The following PPT1 variants were observed in gnomAD, a reference collection of about 807,000 sequenced individuals.
PPT1 encodes palmitoyl-protein thioesterase 1, also known as ceroid-palmitoyl-palmitoyl-protein thioesterase 1.
Under a neutral mutation model 44.0 loss-of-function variants are expected in PPT1, and 24 were observed. That is an observed-to-expected ratio of 0.54 (90% CI 0.39 to 0.77). The LOEUF (loss-of-function observed/expected upper bound fraction) is 0.77. PPT1 is among the 30% of genes least tolerant of loss of function. PPT1 has a pLI of 0.00. For missense variants in PPT1, 341 were observed against 378.8 expected, an observed-to-expected ratio of 0.90 and a Z score of 0.83; for synonymous variants, 148 against 140.2, an observed-to-expected ratio of 1.06 and a Z score of -0.39.
At chr1:40,093,883 CAAAAAAAA>C (rs11345893) in intron 1 of PPT1, 13 of 449,406 alleles carry the variant, frequency 2.9e-5, no homozygotes, top group South Asian at 8.8e-5. Flanking sequence ...GGCTCCATCT[CAAAAAAAA>C]AAAAAAAAAA....
rs1649913358 is a variant in PPT1, at chr1:40,097,247, T to C, written c.-9A>G. ...CAGCCGGGCGACGCCATCTTCGCTGTGTCACATGACCGCGGGCGCGAGACT... is the reference window on the plus strand; with the variant it reads ...CAGCCGGGCGACGCCATCTTCGCTGCGTCACATGACCGCGGGCGCGAGACT... On this transcript the variant is annotated 5_prime_UTR_variant, in exon 1 of 9. Coordinates refer to ENST00000642050, the MANE Select transcript of PPT1 (RefSeq NM_000310.4). 1 of 1,613,660 alleles carries C rather than the reference T, an allele frequency of 6.2e-7. No homozygotes were observed. The highest frequency in any genetic ancestry group is 1.1e-5 in the South Asian group (1 of 91,066).
intron 6 of PPT1, 60 bp from the exon 7 acceptor site, chr1:40,078,718 A>C: frequency 7.1e-7 from 1 of 1,415,276 alleles, no homozygotes; most frequent in Admixed American, 1.7e-5. Flanking sequence ...AGAGGGAGTA[A>C]AGCCTTCCTG....
chr1:40,096,856 A>G, intron 1 of PPT1: 1 of 575,004 alleles, frequency 1.7e-6, no homozygotes, highest in Non-Finnish European at 3.1e-6. Context: ...CACTACTGTA[A>G]GGATTAATCA....
chr1:40,075,477 C>CT (rs5773686), intron 8 of PPT1, among the ~76,000 whole-genome samples: 99,931 of 144,630 alleles, frequency 0.69, 34,773 homozygotes, highest in Non-Finnish European at 0.76. Flanking sequence ...TTTCTCAAGC[C>CT]TTTTTTTTTT....
chr1:40,081,331 T>C (rs778239514), intron 5 of PPT1, among the ~76,000 whole-genome samples: 4 of 151,702 alleles, frequency 2.6e-5, no homozygotes, highest in Non-Finnish European at 5.9e-5. Flanking sequence ...AGGTCAGGAG[T>C]TCGAAACCAA....
downstream of PPT1, chr1:40,071,880 G>T: frequency 2.3e-6 from 1 of 436,938 alleles, no homozygotes; most frequent in Non-Finnish European, 4.1e-6. Flanking sequence ...AACAGTCCCT[G>T]GAATTAACAG....
At chr1:40,080,293 G>T in intron 6 of PPT1, 104 bp downstream of exon 6, 1 of 1,212,548 alleles carries the variant, frequency 8.2e-7, no homozygotes, top group Non-Finnish European at 1.2e-6. Context: ...CTTTCCTAGT[G>T]TCTGCCCAGG....
chr1:40,081,213 A>AT (rs1188205164), intron 5 of PPT1, among the ~76,000 whole-genome samples: 2 of 152,104 alleles, frequency 1.3e-5, no homozygotes, highest in African/African-American at 4.8e-5. Context: ...GTGACAGTGA[A>AT]TAAGTCTCAT....
downstream of PPT1, chr1:40,072,250 AG>A (rs1648177885): frequency 9.7e-5 from 27 of 278,504 alleles, no homozygotes; most frequent in Middle Eastern, 7.7e-4. Context: ...TGACTTTAAA[AG>A]GAAAAAAAAA....
At chr1:40,090,433 CAT>C (rs1649501293) in intron 4 of PPT1, among the ~76,000 whole-genome samples, 1 of 86,942 alleles carries the variant, frequency 1.2e-5, no homozygotes, top group Non-Finnish European at 3.0e-5. Context: ...TATATAGGTG[CAT>C]ATGTGTATAT....
intron 5 of PPT1, among the ~76,000 whole-genome samples, chr1:40,081,523 C>T (rs997522531): frequency 1.0e-4 from 15 of 148,798 alleles, no homozygotes; most frequent in African/African-American, 2.0e-4. Flanking sequence ...GGAGACAGAG[C>T]GAGAATCCAT....
At chr1:40,088,197 G>A (rs978317120) in intron 5 of PPT1, among the ~76,000 whole-genome samples, 2 of 149,968 alleles carry the variant, frequency 1.3e-5, no homozygotes, top group Non-Finnish European at 2.9e-5. Flanking sequence ...AGGCTAGAGT[G>A]CAGTGGCGCA....
At chr1:40,084,923 C>T (rs376857864) in intron 5 of PPT1, among the ~76,000 whole-genome samples, 14 of 152,260 alleles carry the variant, frequency 9.2e-5, no homozygotes, top group East Asian at 5.8e-4. Flanking sequence ...GGAAGATGTC[C>T]GTTGCCAAGC....
chr1:40,080,737 G>A (rs933707246), intron 5 of PPT1, among the ~76,000 whole-genome samples: 7 of 152,238 alleles, frequency 4.6e-5, no homozygotes, highest in Middle Eastern at 3.4e-3. Flanking sequence ...AGCCAGGCGC[G>A]GCGGCAGGCG....
rs1030260409 is a variant in PPT1, at chr1:40,074,428, C to A, written c.799-245G>T. Among the ~76,000 whole-genome samples, 4 of 125,730 alleles carry A rather than the reference C, an allele frequency of 3.2e-5. No homozygotes were observed. In the South Asian group the frequency reaches 1.2e-3, roughly 39 times the overall value. The allele number at this position is 125,730 out of a possible 152,430, so 82.5% of individuals were successfully genotyped here. A position where few individuals can be genotyped will look rare whatever the true frequency, so the allele number is the denominator to read the frequency against. ...TCTCCTCCCCCTCCTCCTGTCCCCC[C>A]CGCTTCTTCTTCTTCTTCCTCTCTC... On this transcript the variant is annotated intron_variant, in intron 8 of 8. Coordinates refer to ENST00000642050, the MANE Select transcript of PPT1 (RefSeq NM_000310.4).
At chr1:40,078,697 C>T in intron 6 of PPT1, 39 bp from the exon 7 acceptor site, 2 of 1,508,978 alleles carry the variant, frequency 1.3e-6, no homozygotes, top group Non-Finnish European at 1.8e-6. Flanking sequence ...TCATTACCAT[C>T]AGACACCAGC....
intron 1 of PPT1, chr1:40,094,111 T>C (rs547904217): frequency 8.4e-6 from 5 of 596,106 alleles, no homozygotes; most frequent in Admixed American, 5.5e-5. Context: ...TCCCTTCCCC[T>C]ATCACAGGGG....
rs779623466 is a variant in PPT1 at position 40,097,164 on chromosome 1, C to T, written c.75G>A (p.Gln25=). ...LPWTCASRAL[Q]HLDPPAPLPL... is the part of the protein sequence containing the mutation. ...GCAGCGGCGCCGGCGGGTCCAGATG[C>T]TGCAGCGCCCGAGAAGCGCAGGTCC... Residue 25 remains glutamine (Q), a synonymous_variant, in exon 1 of 9, where the codon CAG becomes CAA. Coordinates refer to ENST00000642050, the MANE Select transcript of PPT1 (RefSeq NM_000310.4). 6.2e-7 allele frequency: 1 copy of T among 1,614,148 alleles called. No individual in the cohort carries two copies. The highest frequency in any genetic ancestry group is 1.7e-5 in the Admixed American group (1 of 60,032).
intron 4 of PPT1, among the ~76,000 whole-genome samples, 199 bp downstream of exon 4, chr1:40,091,130 C>T (rs183884044): frequency 1.3e-5 from 2 of 152,350 alleles, no homozygotes; most frequent in East Asian, 3.9e-4. Flanking sequence ...TAGATGCCAA[C>T]CTAGTGATCC....
Sources: allele counts gnomAD v4.1 joint callset (sites outside exome capture counted in the v4.1 genomes callset), GRCh38; gene constraint gnomAD v4.1.1; transcripts MANE v1.5; gene names NCBI Gene and HGNC (gene_info 2026-07-23, HGNC 2026-07-21).